CDH9: variants seen among roughly 807,000 people sequenced by gnomAD.
The protein encoded by CDH9 is cadherin-9.
In CDH9, 28 loss-of-function variants were observed where a neutral mutation model predicts 70.9. That is an observed-to-expected ratio of 0.40 (90% CI 0.29 to 0.54). The LOEUF (loss-of-function observed/expected upper bound fraction) is 0.54, where lower values mean the gene tolerates loss of function less well. Among genes scored for constraint, CDH9 ranks in the 20% least tolerant of loss-of-function variants. The probability of loss-of-function intolerance (pLI) is 0.59; values close to 1 mark genes in which losing one functional copy is unlikely to be tolerated. For synonymous variants in CDH9, 409 were observed against 343.1 expected, an observed-to-expected ratio of 1.19 and a Z score of -2.12; for missense variants, 874 against 984.4, an observed-to-expected ratio of 0.89 and a Z score of 1.50.
intron 1 of CDH9, among the ~76,000 whole-genome samples, chr5:27,004,018 C>T (rs941985898): frequency 9.2e-5 from 13 of 141,552 alleles, no homozygotes; most frequent in Admixed American, 3.0e-4. Flanking sequence ...TAAAAAATTA[C>T]GAAGAAGAAG....
intron 1 of CDH9, among the ~76,000 whole-genome samples, chr5:27,007,157 T>C (rs1742878287): frequency 6.6e-6 from 1 of 152,172 alleles, no homozygotes; most frequent in Non-Finnish European, 1.5e-5. Flanking sequence ...ATGAGTGTCT[T>C]ACATGAGCCA....
intron 1 of CDH9, among the ~76,000 whole-genome samples, chr5:27,037,249 A>G (rs554192583): frequency 1.8e-4 from 27 of 152,034 alleles, no homozygotes; most frequent in African/African-American, 6.3e-4. Context: ...TTTTGATGTC[A>G]CAAAGTCATT....
At chr5:26,888,092 G>GAA (rs75285047) in intron 9 of CDH9, among the ~76,000 whole-genome samples, 14 of 150,624 alleles carry the variant, frequency 9.3e-5, no homozygotes, top group African/African-American at 2.7e-4. Flanking sequence ...ACATTTTTAT[G>GAA]AAAAAAAAAT....
chr5:26,929,548 A>C (rs1207404085), intron 2 of CDH9, among the ~76,000 whole-genome samples: 1 of 152,096 alleles, frequency 6.6e-6, no homozygotes, highest in African/African-American at 2.4e-5. Flanking sequence ...TCTCATGTTT[A>C]ACTGAGGCAC....
At chr5:27,032,595 ATGCT>A (rs1433066877) in intron 1 of CDH9, among the ~76,000 whole-genome samples, 1 of 151,654 alleles carries the variant, frequency 6.6e-6, no homozygotes, top group Admixed American at 6.6e-5. Flanking sequence ...ACATGTGTAA[ATGCT>A]TTATTAAGTT....
At chr5:26,995,171 GCAGT>G (rs1561033192) in intron 1 of CDH9, among the ~76,000 whole-genome samples, 1 of 152,280 alleles carries the variant, frequency 6.6e-6, no homozygotes, top group East Asian at 1.9e-4. Flanking sequence ...TTATTGACAT[GCAGT>G]CAGCACTTAA....
intron 2 of CDH9, among the ~76,000 whole-genome samples, chr5:26,931,962 A>G (rs1214334364): frequency 2.6e-5 from 4 of 152,190 alleles, no homozygotes; most frequent in African/African-American, 9.6e-5. Flanking sequence ...ATCTATGTTC[A>G]GTGAATTTCA....
chr5:27,008,958 A>T (rs1742912079), intron 1 of CDH9, among the ~76,000 whole-genome samples: 1 of 152,202 alleles, frequency 6.6e-6, no homozygotes, highest in Admixed American at 6.6e-5. Context: ...AATTTTCATG[A>T]ACCAAATAAG....
intron 1 of CDH9, among the ~76,000 whole-genome samples, chr5:27,000,588 C>T (rs1021635037): frequency 1.3e-5 from 2 of 152,028 alleles, no homozygotes; most frequent in African/African-American, 4.8e-5. Context: ...TTCTAGTAAA[C>T]CACATAACAT....
chr5:26,952,508 G>T (rs1225180606), intron 2 of CDH9, among the ~76,000 whole-genome samples: 1 of 132,736 alleles, frequency 7.5e-6, no homozygotes, highest in Non-Finnish European at 1.6e-5. Context: ...GGTGGGAGGC[G>T]CCTGTGGTCC....
chr5:26,954,525 C>T (rs1273185682), intron 2 of CDH9, among the ~76,000 whole-genome samples: 1 of 151,452 alleles, frequency 6.6e-6, no homozygotes, highest in South Asian at 2.1e-4. Flanking sequence ...GCTGGCACTA[C>T]AGGTGCCCGC....
chr5:26,884,655 T>C (rs1191139880), intron 11 of CDH9, among the ~76,000 whole-genome samples: 3 of 152,170 alleles, frequency 2.0e-5, no homozygotes, highest in Non-Finnish European at 4.4e-5. Context: ...CCTACTGAAG[T>C]CCTGCAAGGA....
At chr5:26,985,599 A>ATT (rs1159629945) in intron 2 of CDH9, among the ~76,000 whole-genome samples, 190 of 152,258 alleles carry the variant, frequency 1.2e-3, no homozygotes, top group Middle Eastern at 0.01. Flanking sequence ...GCACCTGTAA[A>ATT]TTAATATGTT....
At chr5:26,964,129 C>T (rs978891887) in intron 2 of CDH9, among the ~76,000 whole-genome samples, 1 of 70,806 alleles carries the variant, frequency 1.4e-5, no homozygotes, top group African/African-American at 2.8e-5. Flanking sequence ...TTGTTTTGTT[C>T]AAGAAAAGAC....
chr5:27,005,877 T>C (rs1742854006), intron 1 of CDH9, among the ~76,000 whole-genome samples: 1 of 152,108 alleles, frequency 6.6e-6, no homozygotes, highest in Non-Finnish European at 1.5e-5. Context: ...TGAACATGGA[T>C]GGAGCTGGAG....
chr5:27,011,385 G>A (rs937284603), intron 1 of CDH9, among the ~76,000 whole-genome samples: 1 of 152,044 alleles, frequency 6.6e-6, no homozygotes, highest in Non-Finnish European at 1.5e-5. Context: ...AAGAAGAGCA[G>A]AAGAGACACA....
intron 11 of CDH9, among the ~76,000 whole-genome samples, 178 bp from the exon 12 acceptor site, chr5:26,881,801 T>C (rs1247032551): frequency 6.6e-6 from 1 of 152,088 alleles, no homozygotes; most frequent in African/African-American, 2.4e-5. Flanking sequence ...ACTGTATTGA[T>C]AAAGGAGCAG....
In CDH9 at chr5:26,902,707, A is replaced by G. The variant is rs953553017; in HGVS notation, c.1022T>C (p.Met341Thr). The change falls in exon 7 of 12, where the codon ATG becomes ACG. Residue 341 changes from methionine to threonine, a missense_variant. Physicochemically the swap from Met to Thr is moderately conservative, Grantham distance 81 (BLOSUM62 -1). Transcript: ENST00000231021. The part of the protein sequence containing the change: ...VKQNLDFENQ[M>T]LYTLRVDASN... ...TGCATCCACTCTTAAAGTATAGAGC[A>G]TTTGATTTTCAAAATCTAAATTCTG... 3.3e-5 allele frequency: 52 copies of G among 1,558,416 alleles called. No homozygotes were observed. The highest frequency in any genetic ancestry group is 4.5e-5 in the Non-Finnish European group (51 of 1,131,892).
intron 1 of CDH9, among the ~76,000 whole-genome samples, chr5:26,990,490 G>A (rs564080998): frequency 4.0e-4 from 61 of 152,244 alleles, no homozygotes; most frequent in African/African-American, 1.3e-3. Flanking sequence ...ATTATCATCA[G>A]GACTTTATGT....
Sources: allele counts gnomAD v4.1 joint callset (sites outside exome capture counted in the v4.1 genomes callset), GRCh38; gene constraint gnomAD v4.1.1; transcripts MANE v1.5; gene names NCBI Gene and HGNC (gene_info 2026-07-23, HGNC 2026-07-21).